The following EHMT1 variants were observed in gnomAD, a reference collection of about 807,000 sequenced individuals.
EHMT1 encodes euchromatic histone lysine methyltransferase 1, also known as histone-lysine N-methyltransferase EHMT1.
EHMT1 carries 15 observed loss-of-function variants against 147.2 expected under a neutral mutation model. The ratio of observed to expected loss-of-function variants is 0.10; its 90% confidence interval spans 0.07 to 0.16. The LOEUF is 0.16. Among genes scored for constraint, EHMT1 ranks in the 10% least tolerant of loss-of-function variants. EHMT1 has a pLI of 1.00. For missense variants in EHMT1, 1,587 were observed against 1,772.4 expected, an observed-to-expected ratio of 0.90 and a Z score of 1.88; for synonymous variants, 795 against 709.6, an observed-to-expected ratio of 1.12 and a Z score of -1.91.
intron 1 of EHMT1, among the ~76,000 whole-genome samples, chr9:137,658,423 T>C (rs756003841): frequency 1.4e-4 from 22 of 152,122 alleles, no homozygotes; most frequent in Non-Finnish European, 2.4e-4. Context: ...AATGCTGGGA[T>C]TAGAAGCGTG....
intron 1 of EHMT1, among the ~76,000 whole-genome samples, chr9:137,639,729 T>G (rs1276525923): frequency 6.6e-6 from 1 of 152,246 alleles, no homozygotes; most frequent in African/African-American, 2.4e-5. Context: ...CCTTTCCATC[T>G]GAGATCGGAT....
At position 137,663,946 on chromosome 9, in the gene EHMT1, C is replaced by CT. The variant is rs533360014; in HGVS notation, c.21+44898dup. ...ATGTACTGTGTATTATTACTACAAA[C>CT]TAAGTACTATATAGTATATGCATAA... On this transcript the variant is annotated intron_variant, in intron 1 of 26. Coordinates refer to ENST00000460843, the MANE Select transcript of EHMT1 (RefSeq NM_024757.5). 1.2e-3 allele frequency among the ~76,000 whole-genome samples: 189 copies of CT among 152,258 alleles called. 1 individual carries two copies. Among genetic ancestry groups the CT allele is most frequent in the Non-Finnish European group, 1.9e-3 (130 of 68,034 alleles).
chr9:137,657,731 A>G (rs1474804035), intron 1 of EHMT1, among the ~76,000 whole-genome samples: 1 of 151,954 alleles, frequency 6.6e-6, no homozygotes, highest in Non-Finnish European at 1.5e-5. Flanking sequence ...GACTCTGGTC[A>G]CTTTGCTGTG....
intron 25 of EHMT1, among the ~76,000 whole-genome samples, chr9:137,820,432 G>C (rs1955313845): frequency 6.6e-6 from 1 of 152,236 alleles, no homozygotes; most frequent in Non-Finnish European, 1.5e-5. Flanking sequence ...TGCCACAGAT[G>C]TCGCCTTCTC....
At chr9:137,729,404 C>T (rs1307773461) in intron 4 of EHMT1, among the ~76,000 whole-genome samples, 3 of 152,102 alleles carry the variant, frequency 2.0e-5, no homozygotes, top group African/African-American at 4.8e-5. Flanking sequence ...CTGGCTAACA[C>T]GGTGAAACCC....
chr9:137,800,789 G>C (rs1953413154), intron 17 of EHMT1, 91 bp from the exon 18 acceptor site: 1 of 1,082,824 alleles, frequency 9.2e-7, no homozygotes, highest in Admixed American at 1.8e-5. Flanking sequence ...ATGGTACCTG[G>C]GAGGTGCAGA....
chr9:137,754,601 C>T (rs945841091), intron 8 of EHMT1, among the ~76,000 whole-genome samples: 2 of 152,094 alleles, frequency 1.3e-5, no homozygotes, highest in Non-Finnish European at 2.9e-5. Flanking sequence ...CAGCTTCCAC[C>T]TTCTGGGCTC....
intron 1 of EHMT1, among the ~76,000 whole-genome samples, chr9:137,656,770 C>T (rs1319061290): frequency 6.6e-6 from 1 of 151,962 alleles, no homozygotes. Flanking sequence ...GAGACAGCGT[C>T]TCGCTATTCC....
At chr9:137,758,124 T>TAA in intron 9 of EHMT1, 113 bp downstream of exon 9, 1 of 1,403,786 alleles carries the variant, frequency 7.1e-7, no homozygotes, top group Non-Finnish European at 1.0e-6. Flanking sequence ...AAGATCGGGT[T>TAA]AACTGCATCA....
At chr9:137,822,875 C>A (rs1403232889) in intron 25 of EHMT1, among the ~76,000 whole-genome samples, 7 of 142,198 alleles carry the variant, frequency 4.9e-5, no homozygotes, top group Non-Finnish European at 9.0e-5. Flanking sequence ...GCCTGGGCAA[C>A]AAGAGCAAAA....
At chr9:137,679,434 G>A (rs1242060261) in intron 1 of EHMT1, among the ~76,000 whole-genome samples, 1 of 152,150 alleles carries the variant, frequency 6.6e-6, no homozygotes, top group African/African-American at 2.4e-5. Flanking sequence ...CTCTTGACAT[G>A]CGGTTGCATT....
intron 25 of EHMT1, among the ~76,000 whole-genome samples, chr9:137,833,912 T>C (rs1956405012): frequency 6.6e-6 from 1 of 152,212 alleles, no homozygotes; most frequent in East Asian, 1.9e-4. Context: ...AGACAGTGTG[T>C]CCCGGATGCC....
Position 137,716,820 on chromosome 9 carries a change from A to T in EHMT1, c.280A>T (p.Asn94Tyr). 6.2e-7 allele frequency: 1 copy of T among 1,613,316 alleles called. No homozygotes were observed. Among genetic ancestry groups the T allele is most frequent in the Non-Finnish European group, 8.5e-7 (1 of 1,179,894 alleles). ...GTNTLTRIAE[N>Y]GVSERDSEAA... The stretch of plus-strand genomic sequence containing the variant: ...CAACACACTAACTCGGATAGCGGAA[A>T]ATGGGGTTTCAGAAAGAGACTCAGA... Residue 94 changes from asparagine (N) to tyrosine (Y), a missense_variant, in exon 3 of 27, where the codon AAT (asparagine) becomes TAT (tyrosine). Physicochemically the swap from Asn to Tyr is moderately radical, Grantham distance 143. Around this residue, in one of 7 missense-constraint regions of EHMT1, gnomAD observed 810 missense variants for 673.0 expected, o/e 1.20. Coordinates refer to ENST00000460843, the MANE Select transcript of EHMT1 (RefSeq NM_024757.5).
intron 18 of EHMT1, chr9:137,803,315 G>A: frequency 6.0e-6 from 6 of 993,126 alleles, no homozygotes; most frequent in Non-Finnish European, 7.2e-6. Flanking sequence ...TGTCGGAAGA[G>A]TGAGCCCAGT....
rs140694669 is a variant in EHMT1 at position 137,822,238 on chromosome 9, C to T, written c.3540+4100C>T. ...TGGTTTGTTCCTTTCTGTTGTTGGA[C>T]GGTGACCCACCTGGCCTCCCTGCTG... On this transcript the variant is annotated intron_variant, in intron 25 of 26. Transcript: ENST00000460843. Among the ~76,000 whole-genome samples the T allele has an allele frequency of 3.3e-4, 51 of 152,350 alleles. No homozygotes were observed. The East Asian group carries it at 6.2e-3, about 18-fold the overall frequency.
chr9:137,752,445 G>A, intron 7 of EHMT1, 37 bp downstream of exon 7: 1 of 1,604,378 alleles, frequency 6.2e-7, no homozygotes, highest in African/African-American at 1.3e-5. Flanking sequence ...CTGTGCTGAT[G>A]TAGAGGAGAT....
intron 6 of EHMT1, among the ~76,000 whole-genome samples, chr9:137,745,166 T>C (rs1486853563): frequency 6.6e-6 from 1 of 152,230 alleles, no homozygotes; most frequent in African/African-American, 2.4e-5. Flanking sequence ...GGAAAATGCA[T>C]AATTTTAGTG....
chr9:137,706,393 T>C (rs1255578778), intron 1 of EHMT1, among the ~76,000 whole-genome samples: 3 of 152,254 alleles, frequency 2.0e-5, no homozygotes, highest in Non-Finnish European at 4.4e-5. Flanking sequence ...TAATTCATTT[T>C]GTTTTGCTTA....
chr9:137,772,854 CCTTGTTTTATCT>C (rs968909418), intron 10 of EHMT1, among the ~76,000 whole-genome samples: 5 of 152,146 alleles, frequency 3.3e-5, no homozygotes, highest in African/African-American at 7.2e-5. Flanking sequence ...TTAAAGGATT[CCTTGTTTTATCT>C]CTTTTTTCCC....
Sources: gnomAD v4.1 joint callset for allele counts (sites outside exome capture counted in the v4.1 genomes callset) on GRCh38, gnomAD v4.1.1 for gene constraint, gnomAD v4.1.1 regional missense constraint, MANE v1.5 for transcripts, NCBI Gene and HGNC (gene_info 2026-07-23, HGNC 2026-07-21) for gene names.